MPRIP: variants seen among roughly 807,000 people sequenced by gnomAD.
MPRIP encodes the protein myosin phosphatase Rho interacting protein.
A neutral mutation model predicts 234.9 loss-of-function variants in MPRIP; 59 were observed. The ratio of observed to expected loss-of-function variants is 0.25; its 90% CI spans 0.20 to 0.31. The LOEUF is 0.31. Among genes scored for constraint, MPRIP ranks in the 10% least tolerant of loss-of-function variants. MPRIP has a pLI of 1.00. For synonymous variants in MPRIP, 1,144 were observed against 1,263.9 expected (o/e 0.91, Z 2.01); for missense variants, 2,436 against 3,071.0 (o/e 0.79, Z 4.89).
intron 12 of MPRIP, among the ~76,000 whole-genome samples, 194 bp from the exon 13 acceptor site, chr17:17,154,112 C>CAGGAG (rs2045671955): frequency 6.6e-6 from 1 of 152,204 alleles, no homozygotes; most frequent in Non-Finnish European, 1.5e-5. Context: ...GTCCCTCCCA[C>CAGGAG]AGCTTTGACG....
chr17:17,145,116 T>C (rs1458215847), intron 9 of MPRIP, among the ~76,000 whole-genome samples: 9 of 152,164 alleles, frequency 5.9e-5, no homozygotes, highest in Non-Finnish European at 8.8e-5. Flanking sequence ...GGACTTCTTA[T>C]CTATCTGGGT....
chr17:17,057,763 C>G, intron 1 of MPRIP: 3 of 712,238 alleles, frequency 4.2e-6, no homozygotes. Flanking sequence ...CCCGCTGCCC[C>G]ATCCTACACC....
At position 17,165,380 on chromosome 17, in the gene MPRIP, C is replaced by G; in HGVS notation, c.3789C>G (p.Leu1263=). The stretch of plus-strand genomic sequence containing the variant: ...CTCTAGGCCTCCCACACACAAGGCT[C>G]GAGGATGAGGACGAGGACCTGGGGG... ...RAPLGLPHTR[L]EDEDEDLGAP... Residue 1263 remains leucine (L), a synonymous_variant, in exon 16 of 24, where the codon CTC becomes CTG. Coordinates refer to ENST00000651222, the MANE Select transcript of MPRIP (RefSeq NM_001364716.4). 7.7e-7 allele frequency: 1 copy of G among 1,304,138 alleles called. No individual in the cohort carries two copies. Among genetic ancestry groups the G allele is most frequent in the Non-Finnish European group, 1.0e-6 (1 of 988,950 alleles). The allele number at this position is 1,304,138 out of a possible 1,614,324, so 80.8% of individuals were successfully genotyped here. A position where few individuals can be genotyped will look rare whatever the true frequency, so the allele number is the denominator to read the frequency against.
intron 3 of MPRIP, among the ~76,000 whole-genome samples, chr17:17,115,956 C>T (rs193142777): frequency 8.8e-4 from 134 of 152,192 alleles, no homozygotes; most frequent in African/African-American, 3.1e-3. Flanking sequence ...TCTTTGCACA[C>T]GTGTCATCCT....
At chr17:17,171,892 C>T (rs757066768) in intron 17 of MPRIP, 27 bp downstream of exon 17, 5 of 1,595,498 alleles carry the variant, frequency 3.1e-6, no homozygotes, top group South Asian at 1.1e-5. Context: ...ACCCTGAGGG[C>T]AGGGTGGGTG....
Position 17,148,240 on chromosome 17 carries a change from T to G in MPRIP, c.1629+853T>G, listed in dbSNP as rs530032669. Among the ~76,000 whole-genome samples the G allele has an allele frequency of 3.9e-5, 6 of 152,316 alleles. No individual in the cohort carries two copies. In the South Asian group the frequency reaches 1.0e-3, roughly 26 times the overall value. On this transcript the variant is annotated intron_variant, in intron 11 of 23. Transcript: ENST00000651222. The stretch of plus-strand genomic sequence containing the variant: ...GCGTTGGGGAAGTAAGGAGCCTATG[T>G]AAGTGTTTGGTTGCATGTGCATAGA...
chr17:17,069,739 A>C (rs2089149030), intron 1 of MPRIP, among the ~76,000 whole-genome samples: 1 of 152,156 alleles, frequency 6.6e-6, no homozygotes, highest in African/African-American at 2.4e-5. Flanking sequence ...TTTACTTCAC[A>C]TACGTTTAGA....
At chr17:17,076,012 G>A (rs1176391314) in intron 2 of MPRIP, 3 of 494,648 alleles carry the variant, frequency 6.1e-6, no homozygotes, top group African/African-American at 5.9e-5. Context: ...TCTCATGTGG[G>A]TGTTGCCTGT....
chr17:17,144,452 C>T (rs889296294), intron 9 of MPRIP, among the ~76,000 whole-genome samples: 3 of 152,224 alleles, frequency 2.0e-5, no homozygotes, highest in Non-Finnish European at 2.9e-5. Context: ...CCTTCCCCAA[C>T]AGAGAACACC....
intron 3 of MPRIP, among the ~76,000 whole-genome samples, chr17:17,084,507 A>G (rs2089540427): frequency 6.6e-6 from 1 of 152,242 alleles, no homozygotes. Flanking sequence ...ACTGAGGCCC[A>G]GAGAGATTGC....
chr17:17,128,387 G>T (rs1015480777), intron 4 of MPRIP, among the ~76,000 whole-genome samples: 6 of 152,156 alleles, frequency 3.9e-5, no homozygotes, highest in Admixed American at 3.3e-4. Context: ...TATTAGGAGA[G>T]GGTGATGTTT....
At chr17:17,084,269 A>G (rs2089533547) in intron 3 of MPRIP, among the ~76,000 whole-genome samples, 1 of 152,218 alleles carries the variant, frequency 6.6e-6, no homozygotes, top group African/African-American at 2.4e-5. Flanking sequence ...TATGCAGACT[A>G]AATCCCTAGC....
intron 15 of MPRIP, among the ~76,000 whole-genome samples, chr17:17,161,864 C>T (rs1364240750): frequency 6.6e-6 from 1 of 151,750 alleles, no homozygotes; most frequent in Non-Finnish European, 1.5e-5. Flanking sequence ...AGAGCTGGGG[C>T]TCTTACCACT....
intron 15 of MPRIP, among the ~76,000 whole-genome samples, chr17:17,163,798 T>C (rs1316875229): frequency 6.6e-6 from 1 of 152,220 alleles, no homozygotes; most frequent in African/African-American, 2.4e-5. Flanking sequence ...TCCTTTAGTC[T>C]TTGTTTTGCT....
intron 1 of MPRIP, among the ~76,000 whole-genome samples, chr17:17,073,976 A>G (rs1205296503): frequency 6.6e-6 from 1 of 152,164 alleles, no homozygotes; most frequent in Non-Finnish European, 1.5e-5. Flanking sequence ...ATTCATGGGG[A>G]AAGCCAGTGC....
intron 16 of MPRIP, chr17:17,168,356 G>A (rs933718043): frequency 3.8e-5 from 9 of 237,020 alleles, no homozygotes; most frequent in African/African-American, 2.1e-4. Context: ...ACCCCGGAGA[G>A]CCAGGGCCCA....
At chr17:17,115,499 T>G (rs1298054795) in intron 3 of MPRIP, among the ~76,000 whole-genome samples, 1 of 152,258 alleles carries the variant, frequency 6.6e-6, no homozygotes, top group Non-Finnish European at 1.5e-5. Context: ...CTGGCCTGCT[T>G]GCTGCTGAGC....
intron 3 of MPRIP, among the ~76,000 whole-genome samples, chr17:17,113,880 CTTTTCTT>C (rs1188492780): frequency 9.7e-5 from 9 of 93,228 alleles, no homozygotes; most frequent in Non-Finnish European, 1.6e-4. Flanking sequence ...CTTTTCTTTT[CTTTTCTT>C]TTTTTTTTTT....
intron 16 of MPRIP, 155 bp from the exon 17 acceptor site, chr17:17,171,563 G>A: frequency 1.2e-6 from 1 of 857,766 alleles, no homozygotes; most frequent in Non-Finnish European, 1.8e-6. Flanking sequence ...CAGCCCCAGG[G>A]ATCCTGTTCA....
Sources: allele counts gnomAD v4.1 joint callset (sites outside exome capture counted in the v4.1 genomes callset), GRCh38; gene constraint gnomAD v4.1.1; transcripts MANE v1.5; gene names NCBI Gene and HGNC (gene_info 2026-07-23, HGNC 2026-07-21).